Variants in SRSF12 observed in about 807,000 individuals in gnomAD.
SRSF12 encodes the protein serine/arginine-rich splicing factor 12.
Under a neutral mutation model 34.1 loss-of-function variants are expected in SRSF12, and 21 were observed. That is an observed-to-expected ratio of 0.62 (90% confidence interval 0.44 to 0.89). The LOEUF (loss-of-function observed/expected upper bound fraction) is 0.89. SRSF12 is among the 40% of genes least tolerant of loss of function. SRSF12 has a pLI of 0.00. For synonymous variants in SRSF12, 111 were observed against 110.8 expected, an observed-to-expected ratio of 1.00 and a Z score of -0.01; for missense variants, 278 against 327.8, an observed-to-expected ratio of 0.85 and a Z score of 1.17.
chr6:89,107,058 G>T, intron 2 of SRSF12, 96 bp downstream of exon 2: 1 of 1,169,196 alleles, frequency 8.6e-7, no homozygotes, highest in Non-Finnish European at 1.3e-6. Context: ...CATTTAATTA[G>T]GCAATATTAA....
At chr6:89,101,586 G>A (rs1333442063) in intron 4 of SRSF12, among the ~76,000 whole-genome samples, 1 of 152,006 alleles carries the variant, frequency 6.6e-6, no homozygotes, top group Admixed American at 6.6e-5. Context: ...GCTGGGTGTG[G>A]TGGCGGGAGG....
At chr6:89,111,106 T>C (rs1384755111) in intron 1 of SRSF12, among the ~76,000 whole-genome samples, 1 of 149,872 alleles carries the variant, frequency 6.7e-6, no homozygotes, top group Non-Finnish European at 1.5e-5. Context: ...GGGTGAGACT[T>C]GTCTTTTTTT....
rs1768378392 is a variant in SRSF12, at chr6:89,098,892, G to A, written c.472C>T (p.Pro158Ser). 3.1e-6 allele frequency: 5 copies of A among 1,613,852 alleles called. No homozygotes were observed. Among genetic ancestry groups the A allele is most frequent in the Non-Finnish European group, 4.2e-6 (5 of 1,179,840 alleles). The change falls in exon 5 of 5, where the codon CCA (proline) becomes TCA (serine). Residue 158 changes from proline to serine, a missense_variant. Coordinates refer to ENST00000452027, the MANE Select transcript of SRSF12 (RefSeq NM_080743.5). ...TGCCTTGCTGAGGTAGACCGCCTTG[G>A]TAATGATTTGGAACGAGATTTAGAC... ...SQSKSRSKSL[P>S]RRSTSARQSR...
At chr6:89,104,312 C>T (rs1768686110) in intron 4 of SRSF12, among the ~76,000 whole-genome samples, 1 of 149,988 alleles carries the variant, frequency 6.7e-6, no homozygotes, top group African/African-American at 2.5e-5. Context: ...TCTCAGCTCA[C>T]TGCAACCTCC....
chr6:89,117,995 C>T lies in SRSF12; in HGVS notation c.-108G>A, dbSNP rs1436713251. The T allele has an allele frequency of 8.0e-7, 1 of 1,243,636 alleles. No homozygotes were observed. Among genetic ancestry groups the T allele is most frequent in the African/African-American group, 1.6e-5 (1 of 62,532 alleles). The allele number at this position is 1,243,636 out of a possible 1,614,324, so 77.0% of individuals were successfully genotyped here. A position where few individuals can be genotyped will look rare whatever the true frequency, so the allele number is the denominator to read the frequency against. ...AGCTCCGCCGGCCCCCGGCGCGACCCCCACCCCTCGGCCTCAGCCCCGCCA... is the reference window on the plus strand; with the variant it reads ...AGCTCCGCCGGCCCCCGGCGCGACCTCCACCCCTCGGCCTCAGCCCCGCCA... On this transcript the variant is annotated 5_prime_UTR_variant, in exon 1 of 5. Coordinates refer to ENST00000452027, the MANE Select transcript of SRSF12 (RefSeq NM_080743.5).
chr6:89,102,730 CT>C (rs1010709826), intron 4 of SRSF12, among the ~76,000 whole-genome samples: 3 of 151,802 alleles, frequency 2.0e-5, no homozygotes, highest in Non-Finnish European at 2.9e-5. Flanking sequence ...TACAGAATAC[CT>C]TTTTTTACAT....
chr6:89,111,761 T>G (rs921077012), intron 1 of SRSF12, among the ~76,000 whole-genome samples: 10 of 152,206 alleles, frequency 6.6e-5, no homozygotes, highest in African/African-American at 2.2e-4. Context: ...ATGTTAGCTA[T>G]GTTTTTTATA....
intron 4 of SRSF12, among the ~76,000 whole-genome samples, chr6:89,099,443 C>T (rs1325157145): frequency 3.6e-5 from 5 of 138,742 alleles, no homozygotes; most frequent in Non-Finnish European, 1.5e-5. Flanking sequence ...TATATATACA[C>T]ATATATATGT....
chr6:89,114,665 A>G (rs1458750376), intron 1 of SRSF12, among the ~76,000 whole-genome samples: 4 of 152,204 alleles, frequency 2.6e-5, no homozygotes, highest in Non-Finnish European at 5.9e-5. Flanking sequence ...ATCAGTCTCA[A>G]TCACTCACTG....
intron 2 of SRSF12, among the ~76,000 whole-genome samples, chr6:89,106,207 G>C (rs925424992): frequency 6.6e-6 from 1 of 152,088 alleles, no homozygotes; most frequent in African/African-American, 2.4e-5. Flanking sequence ...TGTAAGCCCA[G>C]GTTCAAGAGA....
intron 4 of SRSF12, 122 bp downstream of exon 4, chr6:89,104,997 A>G: frequency 2.1e-6 from 2 of 958,688 alleles, no homozygotes; most frequent in Non-Finnish European, 2.9e-6. Flanking sequence ...TCAAGTCTAC[A>G]GTGGGCCATG....
intron 1 of SRSF12, among the ~76,000 whole-genome samples, chr6:89,113,098 C>T (rs1769132073): frequency 6.6e-6 from 1 of 152,176 alleles, no homozygotes; most frequent in Admixed American, 6.5e-5. Context: ...TATCTCTGTC[C>T]TTAACTGATG....
At position 89,096,262 on chromosome 6, in the gene SRSF12, C is replaced by A. The variant is rs1389791092; in HGVS notation, c.*2316G>T. On this transcript the variant is annotated 3_prime_UTR_variant, in exon 5 of 5. Coordinates refer to ENST00000452027, the MANE Select transcript of SRSF12 (RefSeq NM_080743.5). The stretch of plus-strand genomic sequence containing the variant: ...AGCAGTCAGGAAGAGGACTCTGAAG[C>A]CCAGTCACTCCACAGATCCAAAGTT... The A allele has an allele frequency of 6.6e-6, 1 of 152,182 alleles. No homozygotes were observed. Among genetic ancestry groups the A allele is most frequent in the Non-Finnish European group, 1.5e-5 (1 of 68,044 alleles). 9.4% of individuals were successfully genotyped at this position (152,182 alleles called of 1,614,324 possible).
chr6:89,099,198 T>C (rs1337797871), intron 4 of SRSF12, among the ~76,000 whole-genome samples: 2 of 151,810 alleles, frequency 1.3e-5, no homozygotes, highest in Non-Finnish European at 2.9e-5. Flanking sequence ...TTCTGAAAAA[T>C]ACACTGCATA....
rs1396758413 is a variant in SRSF12, at chr6:89,097,569, G to T, written c.*1009C>A. On this transcript the variant is annotated 3_prime_UTR_variant, in exon 5 of 5. Transcript: ENST00000452027. ...GGATTTCACCATGTTGCCCAGGCTG[G>T]TCTCAATCTCCTGGCCTCAAGCAAT... The T allele has an allele frequency of 6.6e-6, 1 of 151,844 alleles. No individual in the cohort carries two copies. The highest frequency in any genetic ancestry group is 1.9e-4 in the East Asian group (1 of 5,176). The allele number at this position is 151,844 out of a possible 1,614,324, so 9.4% of individuals were successfully genotyped here.
At position 89,117,795 on chromosome 6, in the gene SRSF12, C is replaced by T. The variant is rs371232898; in HGVS notation, c.65+28G>A. 6.4e-5 allele frequency: 99 copies of T among 1,539,958 alleles called. No individual in the cohort carries two copies. The Middle Eastern group carries it at 1.8e-3, about 28-fold the overall frequency. ...GCTGTTACCCCGCCCCTCCTCCGCGCCCCCAACCTGCAGCCGCGGCCGTTC... is the reference window on the plus strand; with the variant it reads ...GCTGTTACCCCGCCCCTCCTCCGCGTCCCCAACCTGCAGCCGCGGCCGTTC... On this transcript the variant is annotated intron_variant, in intron 1 of 4. Coordinates refer to ENST00000452027, the MANE Select transcript of SRSF12 (RefSeq NM_080743.5).
intron 2 of SRSF12, 32 bp downstream of exon 2, chr6:89,107,122 T>A: frequency 6.4e-7 from 1 of 1,564,370 alleles, no homozygotes; most frequent in Non-Finnish European, 8.8e-7. Flanking sequence ...ATATACAGTA[T>A]ATTCACATGC....
intron 1 of SRSF12, among the ~76,000 whole-genome samples, chr6:89,108,248 A>G (rs1425629066): frequency 6.6e-6 from 1 of 152,216 alleles, no homozygotes; most frequent in Non-Finnish European, 1.5e-5. Flanking sequence ...ATATTTAGCA[A>G]TAATAGCTAA....
Position 89,098,395 on chromosome 6 carries a change from G to T in SRSF12, c.*183C>A. On this transcript the variant is annotated 3_prime_UTR_variant, in exon 5 of 5. Transcript: ENST00000452027. Reference sequence around the variant, plus strand: ...CATTAGACAAATCATAATTTGTAGTGTGGGCCCTTTAAATGGAGACCAAAT... The same window carrying T: ...CATTAGACAAATCATAATTTGTAGTTTGGGCCCTTTAAATGGAGACCAAAT... 1 of 637,400 alleles carries T rather than the reference G, an allele frequency of 1.6e-6. No homozygotes were observed. Among genetic ancestry groups the T allele is most frequent in the Non-Finnish European group, 2.5e-6 (1 of 408,138 alleles). The allele number at this position is 637,400 out of a possible 1,614,324, so 39.5% of individuals were successfully genotyped here.
Sources: allele counts gnomAD v4.1 joint callset (sites outside exome capture counted in the v4.1 genomes callset), GRCh38; gene constraint gnomAD v4.1.1; transcripts MANE v1.5; gene names NCBI Gene and HGNC (gene_info 2026-07-23, HGNC 2026-07-21).